Variants in PIP4K2A observed in about 807,000 individuals in gnomAD.
The protein encoded by PIP4K2A is phosphatidylinositol 5-phosphate 4-kinase type-2 alpha.
Under a neutral mutation model 42.9 loss-of-function variants are expected in PIP4K2A, and 14 were observed. The ratio of observed to expected loss-of-function variants is 0.33; its 90% CI spans 0.22 to 0.51. The LOEUF (loss-of-function observed/expected upper bound fraction) is 0.51, where lower values mean the gene tolerates loss of function less well. Among genes scored for constraint, PIP4K2A ranks in the 20% least tolerant of loss-of-function variants. The pLI is 0.97. For missense variants in PIP4K2A, 434 were observed against 519.8 expected, an observed-to-expected ratio of 0.83 and a Z score of 1.61; for synonymous variants, 192 against 192.2, an observed-to-expected ratio of 1.00 and a Z score of 0.01.
chr10:22,623,661 T>C (rs1049859265), intron 1 of PIP4K2A, among the ~76,000 whole-genome samples: 1 of 152,124 alleles, frequency 6.6e-6, no homozygotes, highest in Non-Finnish European at 1.5e-5. Flanking sequence ...CAACCAATTG[T>C]AGGTTACATG....
chr10:22,581,565 TAAAAAAAAAAAAAAAA>T (rs531477426), intron 4 of PIP4K2A, among the ~76,000 whole-genome samples: 1 of 78,674 alleles, frequency 1.3e-5, no homozygotes, highest in African/African-American at 5.6e-5. Flanking sequence ...ATCCTATCTC[TAAAAAAAAAAAAAAAA>T]AAAAAAAAAA....
intron 1 of PIP4K2A, among the ~76,000 whole-genome samples, chr10:22,679,296 A>G (rs1356677850): frequency 2.0e-5 from 3 of 152,226 alleles, no homozygotes; most frequent in South Asian, 2.1e-4. Context: ...AAAATGGCCA[A>G]TAAGTATATG....
chr10:22,674,438 A>AT (rs1839516252), intron 1 of PIP4K2A, among the ~76,000 whole-genome samples: 2 of 150,412 alleles, frequency 1.3e-5, no homozygotes, highest in Non-Finnish European at 3.0e-5. Flanking sequence ...AAAAAAAAAA[A>AT]GAAGACCAGA....
intron 6 of PIP4K2A, among the ~76,000 whole-genome samples, chr10:22,567,360 A>G (rs1836869525): frequency 6.6e-6 from 1 of 152,128 alleles, no homozygotes. Context: ...CTTAGGCAAA[A>G]AATACTTGTA....
At position 22,536,288 on chromosome 10, in the gene PIP4K2A, C is replaced by G; in HGVS notation, c.*913G>C. On this transcript the variant is annotated 3_prime_UTR_variant, in exon 10 of 10. Transcript: ENST00000376573. The stretch of plus-strand genomic sequence containing the variant: ...AGATACCATTGCCCCAAACTATGCA[C>G]TTTTCAGGTAAGCTTTACTTTTATT... 1 of 395,766 alleles carries G rather than the reference C, an allele frequency of 2.5e-6. No homozygotes were observed. The highest frequency in any genetic ancestry group is 4.5e-6 in the Non-Finnish European group (1 of 224,690). 24.5% of individuals were successfully genotyped at this position (395,766 alleles called of 1,614,324 possible). A position where few individuals can be genotyped will look rare whatever the true frequency, so the allele number is the denominator to read the frequency against.
intron 5 of PIP4K2A, chr10:22,569,092 T>A: frequency 6.8e-7 from 1 of 1,462,078 alleles, no homozygotes; most frequent in Non-Finnish European, 9.3e-7. Context: ...CTGGCTTTCA[T>A]CGAGCAGCTC....
intron 1 of PIP4K2A, chr10:22,641,988 T>C (rs942467629): frequency 2.0e-5 from 3 of 152,404 alleles, no homozygotes; most frequent in African/African-American, 7.2e-5. Context: ...CTTCGGACTT[T>C]CACGCAGGAC....
chr10:22,639,813 C>T (rs1221214684), intron 1 of PIP4K2A, among the ~76,000 whole-genome samples: 1 of 152,066 alleles, frequency 6.6e-6, no homozygotes, highest in Non-Finnish European at 1.5e-5. Context: ...TTCACAAAAG[C>T]AGGTGTAATT....
At position 22,536,456 on chromosome 10, in the gene PIP4K2A, C is replaced by T. The variant is rs779751995; in HGVS notation, c.*745G>A. ...TCACTGGGGCATCAGCTGCTTGTTG[C>T]GGGAGGGGTGGGGGCTCTGGACACC... On this transcript the variant is annotated 3_prime_UTR_variant, in exon 10 of 10. Transcript: ENST00000376573. 21 of 184,710 alleles carry T rather than the reference C, an allele frequency of 1.1e-4. No homozygotes were observed. The East Asian group carries it at 1.5e-3, about 13-fold the overall frequency. The allele number at this position is 184,710 out of a possible 1,614,324, so 11.4% of individuals were successfully genotyped here. A position where few individuals can be genotyped will look rare whatever the true frequency, so the allele number is the denominator to read the frequency against.
chr10:22,680,072 T>C (rs923137303), intron 1 of PIP4K2A, among the ~76,000 whole-genome samples: 6 of 152,126 alleles, frequency 3.9e-5, no homozygotes, highest in African/African-American at 1.4e-4. Flanking sequence ...GTGAATTATA[T>C]CTCAATAAAG....
rs371101349 is a variant in PIP4K2A at position 22,620,289 on chromosome 10, C to T, written c.145-10572G>A. Reference sequence around the variant, plus strand: ...CTGACATAAAACTACTGAATTCAGGCCAAAAATTTATAATCTGGTACAGAG... The same window carrying T: ...CTGACATAAAACTACTGAATTCAGGTCAAAAATTTATAATCTGGTACAGAG... On this transcript the variant is annotated intron_variant, in intron 1 of 9. Coordinates refer to ENST00000376573, the MANE Select transcript of PIP4K2A (RefSeq NM_005028.5). Among the ~76,000 whole-genome samples the T allele has an allele frequency of 4.6e-5, 7 of 152,142 alleles. No individual in the cohort carries two copies. In the East Asian group the frequency reaches 1.3e-3, roughly 29 times the overall value.
At chr10:22,558,501 T>C (rs952886480) in intron 6 of PIP4K2A, among the ~76,000 whole-genome samples, 1 of 152,114 alleles carries the variant, frequency 6.6e-6, no homozygotes, top group African/African-American at 2.4e-5. Flanking sequence ...AGCCACAAAT[T>C]TGATACATCA....
chr10:22,619,697 A>T (rs1437795822), intron 1 of PIP4K2A, among the ~76,000 whole-genome samples: 1 of 152,172 alleles, frequency 6.6e-6, no homozygotes, highest in Non-Finnish European at 1.5e-5. Flanking sequence ...TTGGCCTCCC[A>T]AAGTGCTGGG....
At chr10:22,661,618 C>G (rs951526105) in intron 1 of PIP4K2A, 1 of 152,174 alleles carries the variant, frequency 6.6e-6, no homozygotes, top group African/African-American at 2.4e-5. Flanking sequence ...CTGCCTCAGC[C>G]TCCTAACGTG....
rs67717078 is a variant in PIP4K2A at position 22,664,202 on chromosome 10, TAC to T, written c.144+49979_144+49980del. Among the ~76,000 whole-genome samples, 8 of 63,316 alleles carry T rather than the reference TAC, an allele frequency of 1.3e-4. 1 individual carries two copies. The highest frequency in any genetic ancestry group is 1.0e-3 in the African/African-American group (7 of 6,992). The allele number at this position is 63,316 out of a possible 152,430, so 41.5% of individuals were successfully genotyped here. On this transcript the variant is annotated intron_variant, in intron 1 of 9. Transcript: ENST00000376573. ...ATATACATATATATACATATATATATACATATATATATATACATATATATATA... is the reference window on the plus strand; with the variant it reads ...ATATACATATATATACATATATATATATATATATATATACATATATATATA...
chr10:22,651,101 AAGTT>A (rs1838986264), intron 1 of PIP4K2A, among the ~76,000 whole-genome samples: 1 of 152,106 alleles, frequency 6.6e-6, no homozygotes, highest in African/African-American at 2.4e-5. Context: ...TCTTACCACA[AAGTT>A]AATTATGCCA....
In PIP4K2A at chr10:22,676,995, G is replaced by A. The variant is rs568703286; in HGVS notation, c.144+37188C>T. The stretch of plus-strand genomic sequence containing the variant: ...GCCACCAATACTAGAAATAGGAGAA[G>A]AAAAAGCATGATTTTATTGCAAATT... On this transcript the variant is annotated intron_variant, in intron 1 of 9. Coordinates refer to ENST00000376573, the MANE Select transcript of PIP4K2A (RefSeq NM_005028.5). Among the ~76,000 whole-genome samples, 12 of 152,254 alleles carry A rather than the reference G, an allele frequency of 7.9e-5. No individual in the cohort carries two copies. The South Asian group carries it at 2.5e-3, about 32-fold the overall frequency.
chr10:22,639,782 A>C (rs923188595), intron 1 of PIP4K2A, among the ~76,000 whole-genome samples: 1 of 152,204 alleles, frequency 6.6e-6, no homozygotes, highest in Non-Finnish European at 1.5e-5. Flanking sequence ...AACACCATCA[A>C]AACTAAAAAG....
At chr10:22,684,048 T>C (rs1839714952) in intron 1 of PIP4K2A, among the ~76,000 whole-genome samples, 1 of 152,144 alleles carries the variant, frequency 6.6e-6, no homozygotes, top group African/African-American at 2.4e-5. Context: ...AGCCCATTAC[T>C]TTGTGTGTAG....
Sources: allele counts gnomAD v4.1 joint callset (sites outside exome capture counted in the v4.1 genomes callset), GRCh38; gene constraint gnomAD v4.1.1; transcripts MANE v1.5; gene names NCBI Gene and HGNC (gene_info 2026-07-23, HGNC 2026-07-21).